The following CDK15 variants were observed in gnomAD, a reference collection of about 807,000 sequenced individuals.
CDK15 encodes the protein cyclin dependent kinase 15.
In CDK15, 62 loss-of-function variants were observed where a neutral mutation model predicts 60.3. The ratio of observed to expected loss-of-function variants is 1.03; its 90% CI spans 0.84 to 1.27. The LOEUF is 1.27. Ranked by LOEUF, CDK15 falls within the 50% of genes most tolerant of loss-of-function variation. The pLI is 0.00. For missense variants in CDK15, 541 were observed against 527.8 expected (o/e 1.03, Z -0.25); for synonymous variants, 194 against 195.7 (o/e 0.99, Z 0.07).
chr2:201,873,969 G>T (rs996537500), intron 11 of CDK15, among the ~76,000 whole-genome samples: 1 of 149,518 alleles, frequency 6.7e-6, no homozygotes, highest in Non-Finnish European at 1.5e-5. Context: ...CATGAGAATC[G>T]CTTGAACCCG....
intron 4 of CDK15, among the ~76,000 whole-genome samples, chr2:201,814,833 A>C (rs17469731): frequency 0.02 from 3,072 of 152,312 alleles, 32 homozygotes; most frequent in Non-Finnish European, 0.033. Flanking sequence ...GTCTCTTTCT[A>C]TACAGGTAGA....
At chr2:201,843,371 G>A (rs1393996549) in intron 8 of CDK15, among the ~76,000 whole-genome samples, 1 of 152,056 alleles carries the variant, frequency 6.6e-6, no homozygotes, top group East Asian at 1.9e-4. Flanking sequence ...ATTTTTGGTA[G>A]AGACGGGGTT....
chr2:201,854,975 A>G (rs746638111), intron 10 of CDK15, 38 bp downstream of exon 10: 2 of 1,594,596 alleles, frequency 1.3e-6, no homozygotes, highest in South Asian at 1.1e-5. Context: ...TCTGAGAATT[A>G]GTAATGTAAG....
intron 8 of CDK15, among the ~76,000 whole-genome samples, chr2:201,837,016 G>T (rs1258074139): frequency 6.6e-6 from 1 of 151,992 alleles, no homozygotes; most frequent in Non-Finnish European, 1.5e-5. Context: ...ATAGGTGGCT[G>T]GGCTTGCCGT....
chr2:201,886,634 T>G (rs1240054177), intron 12 of CDK15, among the ~76,000 whole-genome samples: 1 of 152,220 alleles, frequency 6.6e-6, no homozygotes, highest in African/African-American at 2.4e-5. Context: ...CAAGATTTCT[T>G]AATCGATGGT....
chr2:201,871,519 G>A (rs576961209), intron 10 of CDK15, among the ~76,000 whole-genome samples: 8 of 150,796 alleles, frequency 5.3e-5, no homozygotes, highest in Non-Finnish European at 1.0e-4. Flanking sequence ...CACATTTCAC[G>A]CGCGTATACT....
Position 201,812,543 on chromosome 2 carries a change from A to C in CDK15, c.429A>C (p.Pro143=), listed in dbSNP as rs1305515353. 7 of 1,612,658 alleles carry C rather than the reference A, an allele frequency of 4.3e-6. No homozygotes were observed. In the South Asian group the frequency reaches 4.4e-5, roughly 10 times the overall value. ...GCATGAATGCAGAGGAAGGAGTCCC[A>C]TTTACAGCTATCCGAGAAGGTAAGA... ...VISMNAEEGV[P]FTAIREASLL... is the part of the protein sequence containing the mutation. Residue 143 remains proline (P), a synonymous_variant, in exon 4 of 14, where the codon CCA becomes CCC. Coordinates refer to ENST00000652192, the MANE Select transcript of CDK15 (RefSeq NM_001366386.2).
chr2:201,825,865 T>C (rs1696464439), intron 6 of CDK15, among the ~76,000 whole-genome samples: 1 of 152,166 alleles, frequency 6.6e-6, no homozygotes, highest in Non-Finnish European at 1.5e-5. Flanking sequence ...AGCTTGCTGA[T>C]AGTTATGAAG....
intron 6 of CDK15, among the ~76,000 whole-genome samples, chr2:201,825,170 C>G (rs893123173): frequency 2.0e-5 from 3 of 151,822 alleles, no homozygotes; most frequent in Admixed American, 6.6e-5. Flanking sequence ...AAAAATTAGC[C>G]AGGTGTGGTG....
chr2:201,878,097 T>TCTGACCATACAA (rs1212229109), intron 11 of CDK15, among the ~76,000 whole-genome samples: 4 of 152,216 alleles, frequency 2.6e-5, no homozygotes, highest in Non-Finnish European at 5.9e-5. Context: ...ACAACTTAAT[T>TCTGACCATACAA]CTGAATGTCA....
chr2:201,863,092 C>G (rs996790457), intron 10 of CDK15, among the ~76,000 whole-genome samples: 3 of 152,174 alleles, frequency 2.0e-5, no homozygotes, highest in African/African-American at 4.8e-5. Context: ...CTGCTGAAAG[C>G]TCCTGGGGAG....
At chr2:201,851,667 C>G (rs1697915300) in intron 9 of CDK15, among the ~76,000 whole-genome samples, 1 of 151,180 alleles carries the variant, frequency 6.6e-6, no homozygotes, top group South Asian at 2.1e-4. Flanking sequence ...CCTTTGCCCA[C>G]TTTTTTTTTG....
chr2:201,837,345 G>GAGGGAGAGGGGGAGAA (rs1366400992), intron 8 of CDK15, among the ~76,000 whole-genome samples: 2 of 137,082 alleles, frequency 1.5e-5, no homozygotes, highest in Non-Finnish European at 3.2e-5. Context: ...AAGAGAAGGA[G>GAGGGAGAGGGGGAGAA]AGGGAGAGGG....
rs145163883 is a variant in CDK15, at chr2:201,838,173, G to T, written c.851+2410G>T. Among the ~76,000 whole-genome samples, 86 of 151,694 alleles carry T rather than the reference G, an allele frequency of 5.7e-4. No individual in the cohort carries two copies. The East Asian group carries it at 0.015, about 26-fold the overall frequency. On this transcript the variant is annotated intron_variant, in intron 8 of 13. Coordinates refer to ENST00000652192, the MANE Select transcript of CDK15 (RefSeq NM_001366386.2). The stretch of plus-strand genomic sequence containing the variant: ...ATATATAACATATATGTAGATCAGT[G>T]ATTCTCAACCAGGGAGCAATTTTGC...
chr2:201,878,911 C>T (rs536159491), intron 11 of CDK15, among the ~76,000 whole-genome samples: 69 of 152,280 alleles, frequency 4.5e-4, no homozygotes, highest in African/African-American at 1.6e-3. Context: ...TAGGTTTCAA[C>T]ATAAATTTGA....
intron 10 of CDK15, among the ~76,000 whole-genome samples, chr2:201,856,742 A>T (rs1254056949): frequency 6.6e-6 from 1 of 152,194 alleles, no homozygotes; most frequent in Non-Finnish European, 1.5e-5. Context: ...ATTGTAGGAA[A>T]CAATTTGGAT....
chr2:201,830,141 A>G (rs1233865861), intron 6 of CDK15, among the ~76,000 whole-genome samples: 1 of 151,772 alleles, frequency 6.6e-6, no homozygotes, highest in Admixed American at 6.6e-5. Flanking sequence ...GGGTCTTGCT[A>G]TGTTGCCCAG....
intron 6 of CDK15, among the ~76,000 whole-genome samples, chr2:201,825,511 A>G (rs1696438839): frequency 6.6e-6 from 1 of 152,134 alleles, no homozygotes; most frequent in Non-Finnish European, 1.5e-5. Flanking sequence ...GTGAAAAAAA[A>G]AAATTAAAAT....
intron 12 of CDK15, 113 bp downstream of exon 12, chr2:201,880,280 C>G (rs1699230521): frequency 1.6e-6 from 2 of 1,273,674 alleles, no homozygotes; most frequent in African/African-American, 3.0e-5. Context: ...TAGCATTTAC[C>G]CCCAGGAGTG....
Sources: allele counts gnomAD v4.1 joint callset (sites outside exome capture counted in the v4.1 genomes callset), GRCh38; gene constraint gnomAD v4.1.1; transcripts MANE v1.5; gene names NCBI Gene and HGNC (gene_info 2026-07-23, HGNC 2026-07-21).